DLC1: variants seen among roughly 807,000 people sequenced by gnomAD.
DLC1 encodes DLC1 Rho GTPase activating protein, also known as rho GTPase-activating protein 7.
In DLC1, 54 loss-of-function variants were observed where a neutral mutation model predicts 140.3. The observed-to-expected ratio is 0.38, with a 90% CI of 0.31 to 0.48. DLC1 has a LOEUF of 0.48. Among genes scored for constraint, DLC1 ranks in the 20% least tolerant of loss-of-function variants. The pLI is 0.96. For missense variants in DLC1, 2,536 were observed against 1,907.0 expected, an observed-to-expected ratio of 1.33 and a Z score of -6.14; for synonymous variants, 986 against 728.1, an observed-to-expected ratio of 1.35 and a Z score of -5.70.
intron 4 of DLC1, among the ~76,000 whole-genome samples, chr8:13,376,441 C>T (rs1412963452): frequency 6.6e-6 from 1 of 152,142 alleles, no homozygotes; most frequent in Admixed American, 6.5e-5. Context: ...CTCCCGGAAT[C>T]CCACCCATCT....
chr8:13,579,653 A>T (rs1213678326), intron 1 of DLC1, among the ~76,000 whole-genome samples: 1 of 137,224 alleles, frequency 7.3e-6, no homozygotes, highest in Non-Finnish European at 1.5e-5. Context: ...TATTATAAAA[A>T]ATATATACAC....
intron 1 of DLC1, among the ~76,000 whole-genome samples, chr8:13,587,213 A>G (rs1032811098): frequency 6.6e-6 from 1 of 151,910 alleles, no homozygotes; most frequent in Non-Finnish European, 1.5e-5. Context: ...AGTGGCCATT[A>G]GATGAACCCC....
chr8:13,553,108 C>A (rs1191362109), intron 1 of DLC1, among the ~76,000 whole-genome samples: 2 of 149,686 alleles, frequency 1.3e-5, no homozygotes, highest in Non-Finnish European at 1.5e-5. Flanking sequence ...CACACCTAAA[C>A]CTTGACAGCA....
intron 4 of DLC1, among the ~76,000 whole-genome samples, chr8:13,371,233 A>C (rs547479201): frequency 6.6e-6 from 1 of 152,004 alleles, no homozygotes; most frequent in Non-Finnish European, 1.5e-5. Context: ...CCTCTTTGCT[A>C]TTACCTCAGT....
chr8:13,110,639 T>A, intron 7 of DLC1, 103 bp downstream of exon 7: 1 of 1,120,888 alleles, frequency 8.9e-7, no homozygotes, highest in South Asian at 1.4e-5. Context: ...AATAAAAACC[T>A]AACACAATTA....
intron 5 of DLC1, among the ~76,000 whole-genome samples, chr8:13,294,535 A>T (rs1181153858): frequency 1.3e-5 from 2 of 152,152 alleles, no homozygotes; most frequent in Non-Finnish European, 2.9e-5. Flanking sequence ...GGGTTAGGGT[A>T]GATAATTTCT....
chr8:13,418,822 A>G lies in DLC1; in HGVS notation c.1024-17203T>C, dbSNP rs1310061541. ...CCTTGGGCAGTGTGGCCATTTTCACAATATTGATTCTTCCTACCCATGAGC... is the reference window on the plus strand; with the variant it reads ...CCTTGGGCAGTGTGGCCATTTTCACGATATTGATTCTTCCTACCCATGAGC... On this transcript the variant is annotated intron_variant, in intron 2 of 17. Transcript: ENST00000276297. Among the ~76,000 whole-genome samples, 5 of 152,178 alleles carry G rather than the reference A, an allele frequency of 3.3e-5. No homozygotes were observed. The East Asian group carries it at 7.7e-4, about 24-fold the overall frequency.
At chr8:13,496,745 C>T (rs1801521333) in intron 2 of DLC1, among the ~76,000 whole-genome samples, 2 of 149,964 alleles carry the variant, frequency 1.3e-5, no homozygotes, top group African/African-American at 4.9e-5. Flanking sequence ...CACAGCATTC[C>T]ATACAATAGA....
intron 5 of DLC1, among the ~76,000 whole-genome samples, chr8:13,205,634 C>A (rs1439928860): frequency 6.6e-6 from 1 of 151,016 alleles, no homozygotes; most frequent in South Asian, 2.1e-4. Flanking sequence ...GCAAAAAATT[C>A]TTCTAATATT....
chr8:13,498,906 TG>T, intron 2 of DLC1, 142 bp downstream of exon 2: 1 of 882,260 alleles, frequency 1.1e-6, no homozygotes, highest in Non-Finnish European at 1.6e-6. Context: ...TTTGACCAAG[TG>T]GGTAGTCGTT....
At chr8:13,361,151 G>A (rs1421938119) in intron 4 of DLC1, among the ~76,000 whole-genome samples, 1 of 151,770 alleles carries the variant, frequency 6.6e-6, no homozygotes, top group Non-Finnish European at 1.5e-5. Context: ...AGGATCACCT[G>A]AGCCAGGGAG....
chr8:13,290,203 TTGAAGTACCAAATGAAATGAAA>T (rs1224394187), intron 5 of DLC1, among the ~76,000 whole-genome samples: 8 of 152,188 alleles, frequency 5.3e-5, no homozygotes, highest in African/African-American at 1.9e-4. Context: ...CGTACACACT[TTGAAGTACCAAATGAAATGAAA>T]TGCATGTAGA....
At chr8:13,510,906 T>C (rs1802329034) in intron 1 of DLC1, among the ~76,000 whole-genome samples, 1 of 152,208 alleles carries the variant, frequency 6.6e-6, no homozygotes, top group African/African-American at 2.4e-5. Flanking sequence ...ATTCTATTAT[T>C]ACAGGATGTC....
At chr8:13,393,493 C>G (rs1836859125) in intron 4 of DLC1, 60 bp downstream of exon 4, 2 of 1,534,580 alleles carry the variant, frequency 1.3e-6, no homozygotes, top group Non-Finnish European at 1.8e-6. Flanking sequence ...AATATCAACT[C>G]TTACCTGATG....
At chr8:13,487,422 A>T (rs1326439125) in intron 2 of DLC1, among the ~76,000 whole-genome samples, 1 of 152,152 alleles carries the variant, frequency 6.6e-6, no homozygotes, top group Non-Finnish European at 1.5e-5. Flanking sequence ...TTTATACAAT[A>T]ATGGTAAAAA....
chr8:13,257,546 C>T (rs573470053), intron 5 of DLC1, among the ~76,000 whole-genome samples: 4 of 151,536 alleles, frequency 2.6e-5, no homozygotes, highest in East Asian at 1.9e-4. Flanking sequence ...CTATTTTATA[C>T]GTGTCAGTCA....
chr8:13,143,111 A>G (rs1379824388), intron 5 of DLC1, among the ~76,000 whole-genome samples: 1 of 152,020 alleles, frequency 6.6e-6, no homozygotes, highest in Non-Finnish European at 1.5e-5. Flanking sequence ...GTGCAAGCCC[A>G]ATAAAAACGT....
intron 4 of DLC1, among the ~76,000 whole-genome samples, chr8:13,378,290 T>C (rs533725631): frequency 1.1e-3 from 168 of 151,424 alleles, no homozygotes; most frequent in South Asian, 6.3e-3. Flanking sequence ...CTATTTCTCA[T>C]CAGAGAAGAA....
In DLC1 at chr8:13,085,052, C is replaced by G. The variant is rs991814314; in HGVS notation, c.*759G>C. ...ATCCATACTGGTTAAAACTACATCA[C>G]TATTTGCAATCGGGTCTAAAAATAA... On this transcript the variant is annotated 3_prime_UTR_variant, in exon 18 of 18. Coordinates refer to ENST00000276297, the MANE Select transcript of DLC1 (RefSeq NM_182643.3). The G allele has an allele frequency of 2.0e-5, 3 of 152,208 alleles. No individual in the cohort carries two copies. The highest frequency in any genetic ancestry group is 2.9e-5 in the Non-Finnish European group (2 of 68,050). The allele number at this position is 152,208 out of a possible 1,614,324, so 9.4% of individuals were successfully genotyped here.
Sources: gnomAD v4.1 joint callset for allele counts (sites outside exome capture counted in the v4.1 genomes callset) on GRCh38, gnomAD v4.1.1 for gene constraint, MANE v1.5 for transcripts, NCBI Gene and HGNC (gene_info 2026-07-23, HGNC 2026-07-21) for gene names.